Variants in LUZP2 observed in about 807,000 individuals in gnomAD.
LUZP2 encodes leucine zipper protein 2.
In LUZP2, 52 loss-of-function variants were observed where a neutral mutation model predicts 51.6. The ratio of observed to expected loss-of-function variants is 1.01; its 90% CI spans 0.81 to 1.27. The LOEUF is 1.27. Among genes scored for constraint, LUZP2 ranks in the 50% most tolerant of loss-of-function variants. The pLI, the probability that LUZP2 is intolerant of heterozygous loss-of-function variation, is 0.00. For synonymous variants in LUZP2, 154 were observed against 137.3 expected, an observed-to-expected ratio of 1.12 and a Z score of -0.85; for missense variants, 436 against 395.4, an observed-to-expected ratio of 1.10 and a Z score of -0.87.
At chr11:24,922,991 G>C (rs1220399144) in intron 7 of LUZP2, among the ~76,000 whole-genome samples, 3 of 151,426 alleles carry the variant, frequency 2.0e-5, no homozygotes, top group Admixed American at 2.0e-4. Flanking sequence ...TGGGATTACA[G>C]GCACCCGCCA....
chr11:24,612,732 T>C (rs1387532360), intron 1 of LUZP2, among the ~76,000 whole-genome samples: 1 of 152,118 alleles, frequency 6.6e-6, no homozygotes, highest in Admixed American at 6.6e-5. Flanking sequence ...ATCTAATCCA[T>C]TTTCTTTACA....
At chr11:24,913,934 A>C (rs532458371) in intron 6 of LUZP2, among the ~76,000 whole-genome samples, 1 of 152,262 alleles carries the variant, frequency 6.6e-6, no homozygotes, top group East Asian at 1.9e-4. Flanking sequence ...TTTCTTTTTA[A>C]GTATTTTCCT....
chr11:24,818,768 AC>A (rs1212863125), intron 5 of LUZP2, among the ~76,000 whole-genome samples: 4 of 151,798 alleles, frequency 2.6e-5, no homozygotes, highest in African/African-American at 9.7e-5. Context: ...CGCTTTCATG[AC>A]CCCTTACTTG....
rs1008480050 is a variant in LUZP2, at chr11:24,888,522, G to A, written c.397-17469G>A. Reference sequence around the variant, plus strand: ...AGGATATAATTATATTAAATATTTTGTCATCCTCTGACTTAAATTCAGGTT... The same window carrying A: ...AGGATATAATTATATTAAATATTTTATCATCCTCTGACTTAAATTCAGGTT... On this transcript the variant is annotated intron_variant, in intron 5 of 11. Transcript: ENST00000336930. 3.9e-5 allele frequency among the ~76,000 whole-genome samples: 6 copies of A among 151,950 alleles called. No individual in the cohort carries two copies. In the South Asian group the frequency reaches 6.2e-4, roughly 16 times the overall value.
At chr11:25,039,749 A>G (rs1332210186) in intron 9 of LUZP2, among the ~76,000 whole-genome samples, 1 of 152,180 alleles carries the variant, frequency 6.6e-6, no homozygotes, top group African/African-American at 2.4e-5. Context: ...AGCACCATTC[A>G]GAGTTGGAAC....
At chr11:25,065,026 C>T (rs1358661002) in intron 10 of LUZP2, among the ~76,000 whole-genome samples, 2 of 152,042 alleles carry the variant, frequency 1.3e-5, no homozygotes, top group African/African-American at 2.4e-5. Flanking sequence ...ATAACATTGA[C>T]AGGCATAGTA....
At chr11:24,632,988 T>C (rs1282911254) in intron 1 of LUZP2, among the ~76,000 whole-genome samples, 3 of 151,972 alleles carry the variant, frequency 2.0e-5, no homozygotes, top group African/African-American at 7.2e-5. Flanking sequence ...TTCCTGTTTG[T>C]TAAGGAAAGA....
chr11:24,918,692 T>C (rs1250254540), intron 7 of LUZP2, among the ~76,000 whole-genome samples: 1 of 151,264 alleles, frequency 6.6e-6, no homozygotes, highest in African/African-American at 2.4e-5. Flanking sequence ...CAAAAAAGTG[T>C]CAAAAAATAT....
chr11:24,621,592 C>G (rs1419288120), intron 1 of LUZP2, among the ~76,000 whole-genome samples: 1 of 152,108 alleles, frequency 6.6e-6, no homozygotes, highest in Non-Finnish European at 1.5e-5. Context: ...AATTGAAAAG[C>G]CTGAGATTCT....
At chr11:24,911,453 A>C (rs1853631854) in intron 6 of LUZP2, among the ~76,000 whole-genome samples, 1 of 152,046 alleles carries the variant, frequency 6.6e-6, no homozygotes, top group African/African-American at 2.4e-5. Context: ...TGAATTTTGG[A>C]GGCAGTTTCT....
chr11:24,733,048 G>C (rs888314303), intron 3 of LUZP2, among the ~76,000 whole-genome samples: 1 of 151,710 alleles, frequency 6.6e-6, no homozygotes, highest in Non-Finnish European at 1.5e-5. Flanking sequence ...ACACAAGATA[G>C]CATGTGGAAT....
intron 1 of LUZP2, among the ~76,000 whole-genome samples, chr11:24,638,938 T>C (rs1855192072): frequency 6.6e-6 from 1 of 151,500 alleles, no homozygotes; most frequent in South Asian, 2.1e-4. Context: ...TTTTAACAGT[T>C]AAAAAAAGAT....
chr11:24,940,199 G>A (rs1854703851), intron 7 of LUZP2, among the ~76,000 whole-genome samples: 1 of 152,060 alleles, frequency 6.6e-6, no homozygotes, highest in Non-Finnish European at 1.5e-5. Flanking sequence ...TCTTAAATAA[G>A]CAATTTAATG....
intron 9 of LUZP2, among the ~76,000 whole-genome samples, chr11:25,020,690 C>G (rs927077722): frequency 1.3e-5 from 2 of 152,002 alleles, no homozygotes; most frequent in African/African-American, 2.4e-5. Context: ...AAAATTATCT[C>G]TTAAGAGTAA....
At chr11:24,888,660 C>G (rs1160031084) in intron 5 of LUZP2, among the ~76,000 whole-genome samples, 1 of 152,130 alleles carries the variant, frequency 6.6e-6, no homozygotes, top group African/African-American at 2.4e-5. Flanking sequence ...TAACCAACAC[C>G]TGAACACCAT....
chr11:24,946,632 CTTT>C (rs140770882), intron 7 of LUZP2, among the ~76,000 whole-genome samples: 1 of 151,524 alleles, frequency 6.6e-6, no homozygotes, highest in Non-Finnish European at 1.5e-5. Flanking sequence ...CCCAACCCTT[CTTT>C]TTTTTCTAAT....
intron 5 of LUZP2, among the ~76,000 whole-genome samples, chr11:24,897,105 C>T (rs989272141): frequency 6.6e-6 from 1 of 151,716 alleles, no homozygotes; most frequent in Non-Finnish European, 1.5e-5. Context: ...ACTTGGAGAA[C>T]TTTTACCTCT....
At chr11:24,823,208 A>C (rs537128723) in intron 5 of LUZP2, among the ~76,000 whole-genome samples, 1 of 152,286 alleles carries the variant, frequency 6.6e-6, no homozygotes, top group African/African-American at 2.4e-5. Context: ...ATGCAGCAAC[A>C]TTTTAGCTGA....
At chr11:24,845,831 T>C (rs180855505) in intron 5 of LUZP2, among the ~76,000 whole-genome samples, 2 of 152,136 alleles carry the variant, frequency 1.3e-5, no homozygotes, top group South Asian at 4.1e-4. Context: ...TCCCCAGCCA[T>C]GTGGAACCAT....
Sources: gnomAD v4.1 joint callset for allele counts (sites outside exome capture counted in the v4.1 genomes callset) on GRCh38, gnomAD v4.1.1 for gene constraint, MANE v1.5 for transcripts, NCBI Gene and HGNC (gene_info 2026-07-23, HGNC 2026-07-21) for gene names.